CCDC112: variants seen among roughly 807,000 people sequenced by gnomAD.
The protein encoded by CCDC112 is coiled-coil domain-containing protein 112.
CCDC112 carries 40 observed loss-of-function variants against 66.3 expected under a neutral mutation model. That is an observed-to-expected ratio of 0.60 (90% CI 0.47 to 0.79). The LOEUF (loss-of-function observed/expected upper bound fraction) is 0.79. CCDC112 is among the 30% of genes least tolerant of loss of function. CCDC112 has a pLI of 0.00. For missense variants in CCDC112, 659 were observed against 603.8 expected (o/e 1.09, Z -0.96); for synonymous variants, 214 against 197.2 (o/e 1.09, Z -0.71).
At chr5:115,278,425 C>T (rs1184811318) in intron 3 of CCDC112, among the ~76,000 whole-genome samples, 2 of 151,686 alleles carry the variant, frequency 1.3e-5, no homozygotes, top group African/African-American at 4.8e-5. Flanking sequence ...CTCTCCTAGA[C>T]AGGAAAAACA....
intron 3 of CCDC112, among the ~76,000 whole-genome samples, chr5:115,277,627 G>T (rs1256350420): frequency 6.6e-6 from 1 of 152,088 alleles, no homozygotes; most frequent in African/African-American, 2.4e-5. Context: ...TATGCCACAG[G>T]TCGCCAAGCT....
chr5:115,292,941 T>C (rs538366112), intron 1 of CCDC112, among the ~76,000 whole-genome samples: 3 of 152,352 alleles, frequency 2.0e-5, no homozygotes, highest in South Asian at 4.1e-4. Context: ...GACTGAGAGC[T>C]TCTTAGGTCT....
chr5:115,279,011 C>CTT (rs1329523668), intron 3 of CCDC112, among the ~76,000 whole-genome samples: 3 of 152,060 alleles, frequency 2.0e-5, no homozygotes, highest in Non-Finnish European at 4.4e-5. Flanking sequence ...TTCTCAAATT[C>CTT]TTTAAGGGTA....
chr5:115,274,940 G>A, intron 6 of CCDC112, among the ~76,000 whole-genome samples: 1 of 151,920 alleles, frequency 6.6e-6, no homozygotes, highest in African/African-American at 2.4e-5. Flanking sequence ...ACAGGGTTTT[G>A]CCATGTTGCC....
chr5:115,295,907 T>G, intron 1 of CCDC112: 1 of 985,576 alleles, frequency 1.0e-6, no homozygotes, highest in Non-Finnish European at 1.2e-6. Flanking sequence ...TGAACAAAGA[T>G]ACCTTGTCCT....
chr5:115,269,489 A>C (rs1353953732), intron 8 of CCDC112: 1 of 496,556 alleles, frequency 2.0e-6, no homozygotes, highest in Non-Finnish European at 3.5e-6. Flanking sequence ...TCAGAGTGAA[A>C]GAAAACGGTG....
chr5:115,271,516 A>G lies in CCDC112; in HGVS notation c.1029T>C (p.Asn343=). The G allele has an allele frequency of 1.2e-6, 2 of 1,612,056 alleles. No homozygotes were observed. ...TTCTTTGTTCCTCTTTTTGCTTTTG[A>G]TTATCCTCTTGTTTATTATGAAAAA... The part of the protein sequence containing the change: ...PVLFHNKQED[N]QKQKEEQRKK... Residue 343 remains asparagine (N), a synonymous_variant, in exon 7 of 10, where the codon AAT becomes AAC. Transcript: ENST00000379611.
intron 1 of CCDC112, among the ~76,000 whole-genome samples, chr5:115,287,428 T>C (rs759898002): frequency 3.9e-5 from 6 of 152,206 alleles, no homozygotes; most frequent in Non-Finnish European, 7.3e-5. Context: ...TGGGAGGCTA[T>C]TGTTTTGAAC....
At chr5:115,278,336 G>A (rs138629576) in intron 3 of CCDC112, among the ~76,000 whole-genome samples, 31 of 152,076 alleles carry the variant, frequency 2.0e-4, no homozygotes, top group Non-Finnish European at 4.3e-4. Context: ...TGCTATTGGA[G>A]GTAAGGAATA....
At chr5:115,279,057 TAACA>T (rs1749329712) in intron 3 of CCDC112, among the ~76,000 whole-genome samples, 1 of 152,178 alleles carries the variant, frequency 6.6e-6, no homozygotes, top group Non-Finnish European at 1.5e-5. Context: ...TTAATATTCA[TAACA>T]AACAAAAGAA....
chr5:115,274,425 G>T (rs970494291), intron 6 of CCDC112, among the ~76,000 whole-genome samples: 5 of 152,066 alleles, frequency 3.3e-5, no homozygotes, highest in African/African-American at 1.2e-4. Flanking sequence ...TTTTTCTGGG[G>T]TAGCTAACAT....
intron 2 of CCDC112, 132 bp downstream of exon 2, chr5:115,284,655 A>G: frequency 3.5e-6 from 2 of 570,576 alleles, no homozygotes; most frequent in South Asian, 7.1e-5. Context: ...TTCTCTTGTT[A>G]TATTTGACAG....
intron 1 of CCDC112, among the ~76,000 whole-genome samples, chr5:115,288,521 T>C (rs267301): frequency 0.9 from 136,775 of 152,260 alleles, 61,637 homozygotes; most frequent in African/African-American, 0.97. Context: ...ACAGAGTGCA[T>C]ACAATTCTGA....
At chr5:115,276,194 A>C (rs1749199731) in intron 4 of CCDC112, 125 bp from the exon 5 acceptor site, 2 of 663,390 alleles carry the variant, frequency 3.0e-6, no homozygotes, top group South Asian at 4.2e-5. Flanking sequence ...GGCATAAGAA[A>C]GTTGTGCTCA....
intron 1 of CCDC112, among the ~76,000 whole-genome samples, chr5:115,290,881 T>G (rs72813852): frequency 0.044 from 6,750 of 152,184 alleles, 156 homozygotes; most frequent in South Asian, 0.086. Context: ...TAAGTTTTTT[T>G]TGTGTGTGTG....
chr5:115,271,801 T>C (rs1016863964), intron 6 of CCDC112, among the ~76,000 whole-genome samples, 175 bp from the exon 7 acceptor site: 1 of 152,200 alleles, frequency 6.6e-6, no homozygotes, highest in African/African-American at 2.4e-5. Flanking sequence ...TTCTGTTTTT[T>C]AAAAATTGCT....
At chr5:115,294,801 C>T (rs541259272) in intron 1 of CCDC112, among the ~76,000 whole-genome samples, 1 of 152,074 alleles carries the variant, frequency 6.6e-6, no homozygotes, top group East Asian at 1.9e-4. Context: ...GGGGGAAGTA[C>T]AAAAATGGAT....
intron 9 of CCDC112, among the ~76,000 whole-genome samples, chr5:115,268,643 C>CAT (rs1189004743): frequency 1.4e-5 from 2 of 145,722 alleles, no homozygotes; most frequent in Non-Finnish European, 3.0e-5. Flanking sequence ...ATATATTTTT[C>CAT]ATATATATAT....
intron 2 of CCDC112, among the ~76,000 whole-genome samples, chr5:115,282,729 G>A (rs1749508826): frequency 6.6e-6 from 1 of 152,132 alleles, no homozygotes; most frequent in Non-Finnish European, 1.5e-5. Flanking sequence ...GAGTGGAAAG[G>A]AACTGGGTGG....
Sources: gnomAD v4.1 joint callset for allele counts (sites outside exome capture counted in the v4.1 genomes callset) on GRCh38, gnomAD v4.1.1 for gene constraint, MANE v1.5 for transcripts, NCBI Gene and HGNC (gene_info 2026-07-23, HGNC 2026-07-21) for gene names.